The following CD163L1 variants were observed in gnomAD, a reference collection of about 807,000 sequenced individuals.
CD163L1 encodes scavenger receptor cysteine-rich type 1 protein M160.
Under a neutral mutation model 165.4 loss-of-function variants are expected in CD163L1, and 124 were observed. That is an observed-to-expected ratio of 0.75 (90% CI 0.65 to 0.87). The LOEUF is 0.87. Ranked by LOEUF, CD163L1 falls within the 40% of genes least tolerant of loss-of-function variation. The pLI, the probability that CD163L1 is intolerant of heterozygous loss-of-function variation, is 0.00. For synonymous variants in CD163L1, 585 were observed against 662.2 expected (o/e 0.88, Z 1.79); for missense variants, 1,525 against 1,799.9 (o/e 0.85, Z 2.76).
downstream of CD163L1, among the ~76,000 whole-genome samples, chr12:7,344,090 TG>T (rs201226976): frequency 4.5e-4 from 68 of 149,944 alleles, no homozygotes; most frequent in South Asian, 8.4e-4. Context: ...TTTTTTTGTT[TG>T]TTTTTTTTGA....
the CD163L1 span, among the ~76,000 whole-genome samples, chr12:7,337,692 A>C: frequency 6.6e-6 from 1 of 152,220 alleles, no homozygotes; most frequent in Non-Finnish European, 1.5e-5. Flanking sequence ...GATGTGGAGA[A>C]ATAGGAACGC....
intron 4 of CD163L1, among the ~76,000 whole-genome samples, chr12:7,430,763 T>C (rs943039054): frequency 1.3e-5 from 2 of 152,016 alleles, no homozygotes; most frequent in African/African-American, 4.8e-5. Flanking sequence ...GATAACCAAA[T>C]TTAGCCAAGA....
chr12:7,341,870 A>G, downstream of CD163L1, among the ~76,000 whole-genome samples: 1 of 152,138 alleles, frequency 6.6e-6, no homozygotes, highest in East Asian at 1.9e-4. Context: ...GACCCTTATT[A>G]TCGATGTTTA....
At chr12:7,338,487 G>T in the CD163L1 span, among the ~76,000 whole-genome samples, 6 of 152,144 alleles carry the variant, frequency 3.9e-5, no homozygotes, top group Admixed American at 1.3e-4. Context: ...AGGAAAATAT[G>T]CTTTCCTTGG....
Position 7,373,491 on chromosome 12 carries a change from C to T in CD163L1, c.3559G>A (p.Gly1187Arg). ...GCGAGGCTGACAACTCCATTCTCCC[C>T]ACAGCCCAGCTGCCTGCACACAATG... ...AGIVCRQLGCGENGVVSLAPL... is the reference protein window; with the variant it reads ...AGIVCRQLGCRENGVVSLAPL... The change falls in exon 14 of 20, where the codon GGG becomes AGG. Residue 1187 changes from glycine (G) to arginine (R), a missense_variant. Transcript: ENST00000313599. The T allele has an allele frequency of 6.2e-7, 1 of 1,614,202 alleles. No homozygotes were observed. The highest frequency in any genetic ancestry group is 8.5e-7 in the Non-Finnish European group (1 of 1,180,026).
chr12:7,323,634 A>G, the CD163L1 span: 9 of 1,351,300 alleles, frequency 6.7e-6, no homozygotes, highest in East Asian at 2.3e-5. Context: ...GTGTCTTGCT[A>G]TGTAATCTTG....
At chr12:7,332,308 T>G in the CD163L1 span, among the ~76,000 whole-genome samples, 1 of 152,164 alleles carries the variant, frequency 6.6e-6, no homozygotes, top group African/African-American at 2.4e-5. Flanking sequence ...TACATCTGAT[T>G]GGTGTACCTG....
chr12:7,383,369 C>T (rs889693897), intron 8 of CD163L1, among the ~76,000 whole-genome samples: 3 of 152,148 alleles, frequency 2.0e-5, no homozygotes, highest in African/African-American at 7.2e-5. Flanking sequence ...CGGCTGGGAA[C>T]CTGACAGTTG....
In CD163L1 at chr12:7,375,288, G is replaced by A. The variant is rs1947240783; in HGVS notation, c.2994C>T (p.Ile998=). 2 of 1,613,680 alleles carry A rather than the reference G, an allele frequency of 1.2e-6. No homozygotes were observed. The highest frequency in any genetic ancestry group is 1.7e-5 in the Admixed American group (1 of 59,978). ...PCIHGNTVSV[I]CTGSLTQPLF... ...TAAGCACTATTCTCTTACCTGTGCAGATCACAGAGACAGTATTTCCATGGA... is the reference window on the plus strand; with the variant it reads ...TAAGCACTATTCTCTTACCTGTGCAAATCACAGAGACAGTATTTCCATGGA... The change falls in exon 11 of 20, where the codon ATC becomes ATT. Residue 998 remains isoleucine, a synonymous_variant. Coordinates refer to ENST00000313599, the MANE Select transcript of CD163L1 (RefSeq NM_174941.6).
intron 4 of CD163L1, among the ~76,000 whole-genome samples, chr12:7,418,957 G>T (rs764069734): frequency 3.7e-4 from 56 of 152,138 alleles, no homozygotes; most frequent in African/African-American, 1.2e-3. Flanking sequence ...ATTCAAAGAA[G>T]AATTGATACC....
chr12:7,364,664 A>G (rs1265126376), intron 18 of CD163L1, among the ~76,000 whole-genome samples: 1 of 152,160 alleles, frequency 6.6e-6, no homozygotes, highest in African/African-American at 2.4e-5. Flanking sequence ...CTGAAAAAGA[A>G]ATCAAAAAGC....
intron 6 of CD163L1, among the ~76,000 whole-genome samples, chr12:7,399,031 G>A (rs1477824107): frequency 6.6e-6 from 1 of 152,170 alleles, no homozygotes; most frequent in Non-Finnish European, 1.5e-5. Context: ...GGAGGCATAT[G>A]TATATGAAAC....
downstream of CD163L1, among the ~76,000 whole-genome samples, chr12:7,342,573 C>A (rs777475530): frequency 6.6e-6 from 1 of 152,166 alleles, no homozygotes; most frequent in Non-Finnish European, 1.5e-5. Flanking sequence ...TCCTCTAGCA[C>A]CACTGGGTTA....
At chr12:7,429,673 A>G (rs1042132653) in intron 4 of CD163L1, among the ~76,000 whole-genome samples, 1 of 151,924 alleles carries the variant, frequency 6.6e-6, no homozygotes, top group Admixed American at 6.6e-5. Context: ...ACTCCAATCC[A>G]TCCACTTATC....
In CD163L1 at chr12:7,398,336, A is replaced by G. The variant is rs1282005506; in HGVS notation, c.1657T>C (p.Trp553Arg). 1 of 1,614,062 alleles carries G rather than the reference A, an allele frequency of 6.2e-7. No homozygotes were observed. Among genetic ancestry groups the G allele is most frequent in the Non-Finnish European group, 8.5e-7 (1 of 1,180,030 alleles). ...VSCIGNESNI[W>R]DCEHSGWGKH... ...CCCCATCCACTGTGTTCACAGTCCCAGATATTTGACTCATTTCCAATGCAA... is the reference window on the plus strand; with the variant it reads ...CCCCATCCACTGTGTTCACAGTCCCGGATATTTGACTCATTTCCAATGCAA... The change falls in exon 7 of 20, where the codon TGG becomes CGG. Residue 553 changes from tryptophan (W) to arginine (R), a missense_variant. Physicochemically the swap from Trp to Arg is moderately radical, Grantham distance 101. Coordinates refer to ENST00000313599, the MANE Select transcript of CD163L1 (RefSeq NM_174941.6). This position sits in a 1 kb window ranked among gnomAD's most constrained non-coding sequence, Gnocchi z 4.5.
At chr12:7,348,270 A>G (rs531106893) in intron 4 of CD163L1, among the ~76,000 whole-genome samples, 173 of 152,332 alleles carry the variant, frequency 1.1e-3, no homozygotes, top group Non-Finnish European at 1.9e-3. Flanking sequence ...CACACATCAC[A>G]ACTGTTCATT....
At position 7,417,841 on chromosome 12, in the gene CD163L1, G is replaced by A. The variant is rs200332684; in HGVS notation, c.767-10989C>T. On this transcript the variant is annotated intron_variant, in intron 4 of 19. Coordinates refer to ENST00000313599, the MANE Select transcript of CD163L1 (RefSeq NM_174941.6). ...GTATTTTATTGAGGATTTTCACATC[G>A]ATGTTCATCAGGGATATTGGCCTGC... 6.6e-5 allele frequency among the ~76,000 whole-genome samples: 10 copies of A among 151,894 alleles called. No individual in the cohort carries two copies. The East Asian group carries it at 1.2e-3, about 18-fold the overall frequency.
chr12:7,413,483 C>G (rs2136554815), intron 4 of CD163L1, among the ~76,000 whole-genome samples: 1 of 152,326 alleles, frequency 6.6e-6, no homozygotes, highest in African/African-American at 2.4e-5. Context: ...ATTATCTCTA[C>G]CAAGAAACCT....
chr12:7,441,333 TAGA>T (rs1948828862), intron 1 of CD163L1, 87 bp from the exon 2 acceptor site: 2 of 920,888 alleles, frequency 2.2e-6, no homozygotes, highest in Non-Finnish European at 3.5e-6. Context: ...CAAAATAAAA[TAGA>T]AGGAGTAAGA....
Sources: allele counts gnomAD v4.1 joint callset (sites outside exome capture counted in the v4.1 genomes callset), GRCh38; gene constraint gnomAD v4.1.1; non-coding constraint Gnocchi (gnomAD v3.1); transcripts MANE v1.5; gene names NCBI Gene and HGNC (gene_info 2026-07-23, HGNC 2026-07-21).